Variants in DNAH12 observed in about 807,000 individuals in gnomAD.
DNAH12 encodes dynein axonemal heavy chain 12.
In DNAH12, 285 loss-of-function variants were observed where a neutral mutation model predicts 371.5. The observed-to-expected ratio is 0.77, with a 90% CI of 0.70 to 0.85. The LOEUF is 0.85. Ranked by LOEUF, DNAH12 falls within the 40% of genes least tolerant of loss-of-function variation. The pLI is 0.00. For synonymous variants in DNAH12, 1,200 were observed against 1,213.0 expected (o/e 0.99, Z 0.22); for missense variants, 3,611 against 3,689.4 (o/e 0.98, Z 0.55).
chr3:57,434,538 C>T (rs1348579658), intron 30 of DNAH12, among the ~76,000 whole-genome samples: 1 of 152,020 alleles, frequency 6.6e-6, no homozygotes, highest in East Asian at 1.9e-4. Context: ...TATCCTAGCC[C>T]ATCCTTAATA....
chr3:57,501,133 G>A (rs2067528159), intron 11 of DNAH12, among the ~76,000 whole-genome samples, 188 bp downstream of exon 11: 1 of 152,076 alleles, frequency 6.6e-6, no homozygotes, highest in Admixed American at 6.6e-5. Flanking sequence ...ATGTGATAAG[G>A]AAATTTTTAT....
At chr3:57,315,100 TC>T (rs770287182) in intron 65 of DNAH12, among the ~76,000 whole-genome samples, 1 of 152,244 alleles carries the variant, frequency 6.6e-6, no homozygotes, top group East Asian at 1.9e-4. Context: ...GTTTATTTGA[TC>T]TGCTTTGTGG....
intron 18 of DNAH12, among the ~76,000 whole-genome samples, chr3:57,462,157 T>C (rs1347233393): frequency 2.0e-5 from 3 of 152,236 alleles, no homozygotes; most frequent in African/African-American, 7.2e-5. Flanking sequence ...CATTGGAATG[T>C]GGCAGAATTA....
At chr3:57,412,357 G>C (rs145997903) in intron 39 of DNAH12, among the ~76,000 whole-genome samples, 1 of 152,134 alleles carries the variant, frequency 6.6e-6, no homozygotes, top group African/African-American at 2.4e-5. Flanking sequence ...AAACTCCTAG[G>C]AGATAGCAAA....
At chr3:57,363,425 T>TA (rs2062982096) in intron 58 of DNAH12, among the ~76,000 whole-genome samples, 169 bp downstream of exon 58, 1 of 152,210 alleles carries the variant, frequency 6.6e-6, no homozygotes, top group South Asian at 2.1e-4. Context: ...AACAGTAAGA[T>TA]ATTCTCTTAT....
At chr3:57,313,656 ACTTAT>A (rs937764243) in intron 66 of DNAH12, among the ~76,000 whole-genome samples, 5 of 152,070 alleles carry the variant, frequency 3.3e-5, no homozygotes, top group African/African-American at 1.2e-4. Context: ...CTGTTTCCAA[ACTTAT>A]CTGGGCATGG....
intron 47 of DNAH12, among the ~76,000 whole-genome samples, chr3:57,385,807 G>A (rs942593684): frequency 2.0e-5 from 3 of 152,206 alleles, no homozygotes; most frequent in South Asian, 2.1e-4. Context: ...GCTTGAACCC[G>A]GGAGGTGGAG....
rs567559673 is a variant in DNAH12 at position 57,493,681 on chromosome 3, T to C, written c.1336-3994A>G. On this transcript the variant is annotated intron_variant, in intron 11 of 73. Coordinates refer to ENST00000495027, the MANE Select transcript of DNAH12 (RefSeq NM_001366028.2). ...AGCATTAAACAAACTGGTGTAAAGGTAGTGAGTTATCTCATTTGATTGTTC... is the reference window on the plus strand; with the variant it reads ...AGCATTAAACAAACTGGTGTAAAGGCAGTGAGTTATCTCATTTGATTGTTC... 3.3e-5 allele frequency: 5 copies of C among 151,902 alleles called. No individual in the cohort carries two copies. In the East Asian group the frequency reaches 9.7e-4, roughly 29 times the overall value. 9.4% of individuals were successfully genotyped at this position (151,902 alleles called of 1,614,324 possible). A position where few individuals can be genotyped will look rare whatever the true frequency, so the allele number is the denominator to read the frequency against.
rs556771332 is a variant in DNAH12 at position 57,417,314 on chromosome 3, A to AG, written c.5715-1751dup. On this transcript the variant is annotated intron_variant, in intron 37 of 73. Coordinates refer to ENST00000495027, the MANE Select transcript of DNAH12 (RefSeq NM_001366028.2). ...CTGAAACTGAGTAATAGCCATATTC[A>AG]GTTCTAAGGGGTCATCTAAGTGAGC... is the stretch of plus-strand genomic sequence containing the variant. 6.1e-3 allele frequency among the ~76,000 whole-genome samples: 928 copies of AG among 152,304 alleles called. 7 individuals are homozygous for AG. The highest frequency in any genetic ancestry group is 0.02 in the African/African-American group (852 of 41,572).
At position 57,489,605 on chromosome 3, in the gene DNAH12, C is replaced by T; in HGVS notation, c.1418G>A (p.Cys473Tyr). The change falls in exon 12 of 74, where the codon TGT (cysteine) becomes TAT (tyrosine). Residue 473 changes from cysteine to tyrosine, a missense_variant. Coordinates refer to ENST00000495027, the MANE Select transcript of DNAH12 (RefSeq NM_001366028.2). Reference sequence around the variant, plus strand: ...TGTCAGGCCTGTCTTCAAATCTTCACAATCCAAACGCACCATAGTGTAATG... The same window carrying T: ...TGTCAGGCCTGTCTTCAAATCTTCATAATCCAAACGCACCATAGTGTAATG... ...WIHYTMVRLD[C>Y]EDLKTGLTNK... 1 of 1,542,740 alleles carries T rather than the reference C, an allele frequency of 6.5e-7. No individual in the cohort carries two copies. The highest frequency in any genetic ancestry group is 8.7e-7 in the Non-Finnish European group (1 of 1,144,206).
At chr3:57,325,723 G>A (rs1302794446) in intron 62 of DNAH12, among the ~76,000 whole-genome samples, 1 of 152,208 alleles carries the variant, frequency 6.6e-6, no homozygotes, top group Non-Finnish European at 1.5e-5. Flanking sequence ...TGGACGGAGA[G>A]TGACTTTGAC....
chr3:57,305,292 A>G (rs1006559492), intron 69 of DNAH12, among the ~76,000 whole-genome samples: 2 of 151,678 alleles, frequency 1.3e-5, no homozygotes, highest in African/African-American at 4.8e-5. Flanking sequence ...AGCGTCGCTG[A>G]GTCTTTCTAA....
intron 37 of DNAH12, among the ~76,000 whole-genome samples, chr3:57,418,651 A>G (rs2064468231): frequency 6.6e-6 from 1 of 152,006 alleles, no homozygotes; most frequent in Admixed American, 6.6e-5. Context: ...ATAGGGGTAA[A>G]CTAATTTTCC....
At chr3:57,501,481 T>G in intron 10 of DNAH12, 69 bp from the exon 11 acceptor site, 1 of 1,141,432 alleles carries the variant, frequency 8.8e-7, no homozygotes, top group Non-Finnish European at 1.2e-6. Flanking sequence ...TTTTTTTATA[T>G]GATCATGGAA....
chr3:57,439,149 CAA>C (rs1473542355), intron 29 of DNAH12, among the ~76,000 whole-genome samples: 7 of 152,030 alleles, frequency 4.6e-5, no homozygotes, highest in Non-Finnish European at 1.0e-4. Flanking sequence ...TCTACGGATT[CAA>C]TGCTACTCCT....
chr3:57,378,067 A>G (rs1267759202), intron 52 of DNAH12, among the ~76,000 whole-genome samples: 1 of 152,214 alleles, frequency 6.6e-6, no homozygotes, highest in South Asian at 2.1e-4. Flanking sequence ...AATGTGTTAA[A>G]TAAGTAGACA....
At chr3:57,353,537 C>T (rs1034415464) in intron 59 of DNAH12, among the ~76,000 whole-genome samples, 2 of 152,006 alleles carry the variant, frequency 1.3e-5, no homozygotes, top group African/African-American at 2.4e-5. Context: ...TTTTTAAAAA[C>T]TAAACTAAAA....
intron 58 of DNAH12, among the ~76,000 whole-genome samples, chr3:57,361,087 C>T (rs1416478993): frequency 2.0e-5 from 3 of 151,918 alleles, no homozygotes; most frequent in Non-Finnish European, 2.9e-5. Context: ...CGGTGACTCA[C>T]GCCTGTAATC....
At chr3:57,498,422 T>C in intron 11 of DNAH12, 1 of 702,020 alleles carries the variant, frequency 1.4e-6, no homozygotes, top group African/African-American at 1.8e-5. Flanking sequence ...GCTCCAGTAA[T>C]CCTTTCACCT....
Sources: gnomAD v4.1 joint callset for allele counts (sites outside exome capture counted in the v4.1 genomes callset) on GRCh38, gnomAD v4.1.1 for gene constraint, MANE v1.5 for transcripts, NCBI Gene and HGNC (gene_info 2026-07-23, HGNC 2026-07-21) for gene names.